The following FAM168B variants were observed in gnomAD, a reference collection of about 807,000 sequenced individuals.
FAM168B encodes the protein family with sequence similarity 168 member B.
Under a neutral mutation model 21.8 loss-of-function variants are expected in FAM168B, and 19 were observed. That is an observed-to-expected ratio of 0.87 (90% CI 0.61 to 1.28). The LOEUF (loss-of-function observed/expected upper bound fraction) is 1.28. Among genes scored for constraint, FAM168B ranks in the 50% most tolerant of loss-of-function variants. The pLI, the probability that FAM168B is intolerant of heterozygous loss-of-function variation, is 0.00. For missense variants in FAM168B, 233 were observed against 263.1 expected (o/e 0.89, Z 0.79); for synonymous variants, 126 against 104.8 (o/e 1.20, Z -1.24).
chr2:131,066,234 C>T (rs1159231859), intron 3 of FAM168B, among the ~76,000 whole-genome samples: 1 of 149,960 alleles, frequency 6.7e-6, no homozygotes, highest in Non-Finnish European at 1.5e-5. Flanking sequence ...GGTGCGATCT[C>T]GATCTCGACT....
At chr2:131,075,943 T>C (rs1032219131) in intron 2 of FAM168B, among the ~76,000 whole-genome samples, 2 of 152,176 alleles carry the variant, frequency 1.3e-5, no homozygotes, top group Non-Finnish European at 2.9e-5. Context: ...CTAGACAGCC[T>C]CTGCTGCTTC....
In FAM168B at chr2:131,055,193, G is replaced by T. The variant is rs139938505; in HGVS notation, c.475+79C>A. The T allele has an allele frequency of 6.7e-6, 9 of 1,333,712 alleles. No individual in the cohort carries two copies. In the African/African-American group the frequency reaches 1.1e-4, roughly 16 times the overall value. The allele number at this position is 1,333,712 out of a possible 1,614,324, so 82.6% of individuals were successfully genotyped here. On this transcript the variant is annotated intron_variant, in intron 5 of 6. Coordinates refer to ENST00000389915, the MANE Select transcript of FAM168B (RefSeq NM_001009993.4). ...CAGCTATGAAAACCTAGAGCCAAGGGTCAGAGGATTCGTGAGCTCTCCCCT... is the reference window on the plus strand; with the variant it reads ...CAGCTATGAAAACCTAGAGCCAAGGTTCAGAGGATTCGTGAGCTCTCCCCT...
rs1003054289 is a variant in FAM168B, at chr2:131,049,745, A to G, written c.*2720T>C. 2.0e-6 allele frequency: 2 copies of G among 985,714 alleles called. No individual in the cohort carries two copies. The highest frequency in any genetic ancestry group is 2.4e-6 in the Non-Finnish European group (2 of 829,948). The allele number at this position is 985,714 out of a possible 1,614,324, so 61.1% of individuals were successfully genotyped here. ...AAAAGAATAGTAATTCAGCTGAAGGACTCCCAAATTAGGAATGTCAAACAC... is the reference window on the plus strand; with the variant it reads ...AAAAGAATAGTAATTCAGCTGAAGGGCTCCCAAATTAGGAATGTCAAACAC... On this transcript the variant is annotated 3_prime_UTR_variant, in exon 7 of 7. Coordinates refer to ENST00000389915, the MANE Select transcript of FAM168B (RefSeq NM_001009993.4).
chr2:131,063,785 CTAATAA>C (rs1033683585), intron 3 of FAM168B, among the ~76,000 whole-genome samples: 1 of 151,932 alleles, frequency 6.6e-6, no homozygotes, highest in African/African-American at 2.4e-5. Context: ...TCTCTAAAAA[CTAATAA>C]TAATAATTTT....
At position 131,052,986 on chromosome 2, in the gene FAM168B, G is replaced by C. The variant is rs1340734176; in HGVS notation, c.505C>G (p.Pro169Ala). 1 of 1,556,152 alleles carries C rather than the reference G, an allele frequency of 6.4e-7. No individual in the cohort carries two copies. The highest frequency in any genetic ancestry group is 1.2e-5 in the South Asian group (1 of 84,350). ...GTLLTAHSPT[P>A]VAPHPVTVPT... ...ACAGTGACCGGGTGGGGGGCGACAG[G>C]AGTTGGGGAGTGAGCAGTCAGCAGG... The change falls in exon 6 of 7, where the codon CCT becomes GCT. Residue 169 changes from proline (P) to alanine (A), a missense_variant. Pro to Ala is a conservative substitution (Grantham distance 27). Coordinates refer to ENST00000389915, the MANE Select transcript of FAM168B (RefSeq NM_001009993.4).
intron 1 of FAM168B, among the ~76,000 whole-genome samples, chr2:131,086,848 G>A (rs1241367661): frequency 2.1e-5 from 2 of 95,370 alleles, no homozygotes; most frequent in Non-Finnish European, 3.8e-5. Flanking sequence ...GGCGGATCAC[G>A]AGGTCAGGAG....
In FAM168B at chr2:131,049,382, G is replaced by C; in HGVS notation, c.*3083C>G. ...ACTCAAGAAGGTTTCCCAGAATAGC[G>C]ACAGGTAGGCCTACAAACCACACCA... On this transcript the variant is annotated 3_prime_UTR_variant, in exon 7 of 7. Transcript: ENST00000389915. The C allele has an allele frequency of 1.0e-6, 1 of 985,436 alleles. No individual in the cohort carries two copies. The highest frequency in any genetic ancestry group is 1.2e-6 in the Non-Finnish European group (1 of 829,972). 61.0% of individuals were successfully genotyped at this position (985,436 alleles called of 1,614,324 possible).
rs1691648662 is a variant in FAM168B, at chr2:131,051,129, T to G, written c.*1336A>C. 4.1e-6 allele frequency: 4 copies of G among 985,418 alleles called. No individual in the cohort carries two copies. The highest frequency in any genetic ancestry group is 4.8e-6 in the Non-Finnish European group (4 of 829,962). The allele number at this position is 985,418 out of a possible 1,614,324, so 61.0% of individuals were successfully genotyped here. A position where few individuals can be genotyped will look rare whatever the true frequency, so the allele number is the denominator to read the frequency against. ...CTCTCTGCTGTCTGTGCTTGCTTTG[T>G]GCCAAGTGCCCTCAGCTGCAAAAGA... On this transcript the variant is annotated 3_prime_UTR_variant, in exon 7 of 7. Transcript: ENST00000389915.
Position 131,048,459 on chromosome 2 carries a change from T to G in FAM168B, c.*4006A>C. On this transcript the variant is annotated 3_prime_UTR_variant, in exon 7 of 7. Transcript: ENST00000389915. The stretch of plus-strand genomic sequence containing the variant: ...TCATCCTCTGTCTCCCCTTCCCAAG[T>G]GACTTCACTTCAGTCCTGTGGACCA... 6 of 1,189,310 alleles carry G rather than the reference T, an allele frequency of 5.0e-6. No homozygotes were observed. In the South Asian group the frequency reaches 8.3e-5, roughly 17 times the overall value. 73.7% of individuals were successfully genotyped at this position (1,189,310 alleles called of 1,614,324 possible).
chr2:131,050,927 C>G lies in FAM168B; in HGVS notation c.*1538G>C. On this transcript the variant is annotated 3_prime_UTR_variant, in exon 7 of 7. Coordinates refer to ENST00000389915, the MANE Select transcript of FAM168B (RefSeq NM_001009993.4). The stretch of plus-strand genomic sequence containing the variant: ...GACCCAGGCCTTACATCCCCCACCC[C>G]CACTCTGACCCTCACTGAGAACCGA... 1.0e-6 allele frequency: 1 copy of G among 985,688 alleles called. No individual in the cohort carries two copies. The highest frequency in any genetic ancestry group is 1.2e-6 in the Non-Finnish European group (1 of 830,130). The allele number at this position is 985,688 out of a possible 1,614,324, so 61.1% of individuals were successfully genotyped here.
intron 3 of FAM168B, among the ~76,000 whole-genome samples, chr2:131,069,978 C>T (rs540526146): frequency 6.6e-6 from 1 of 152,042 alleles, no homozygotes; most frequent in African/African-American, 2.4e-5. Context: ...CCTGCCTCAG[C>T]CTCCCTAGTA....
In FAM168B at chr2:131,082,489, C is replaced by T. The variant is rs181349958; in HGVS notation, c.70+88G>A. 1.8e-3 allele frequency: 1,553 copies of T among 872,744 alleles called. 8 individuals are homozygous for T. The highest frequency in any genetic ancestry group is 0.016 in the African/African-American group (918 of 57,896). The allele number at this position is 872,744 out of a possible 1,614,324, so 54.1% of individuals were successfully genotyped here. ...TTCTTGTCTAAGCCACTTTGAGCTG[C>T]GTTTGTCAATAGAAAGCATTCTTAG... is the stretch of plus-strand genomic sequence containing the variant. On this transcript the variant is annotated intron_variant, in intron 2 of 6. Coordinates refer to ENST00000389915, the MANE Select transcript of FAM168B (RefSeq NM_001009993.4).
At chr2:131,082,733 A>G (rs1693483220) in intron 1 of FAM168B, 76 bp from the exon 2 acceptor site, 2 of 840,048 alleles carry the variant, frequency 2.4e-6, no homozygotes, top group Non-Finnish European at 3.8e-6. Context: ...CCCAAAAAGC[A>G]GGTAGCTAGA....
Position 131,049,214 on chromosome 2 carries a change from C to A in FAM168B, c.*3251G>T. 1.0e-6 allele frequency: 1 copy of A among 985,418 alleles called. No individual in the cohort carries two copies. Among genetic ancestry groups the A allele is most frequent in the Non-Finnish European group, 1.2e-6 (1 of 829,954 alleles). 61.0% of individuals were successfully genotyped at this position (985,418 alleles called of 1,614,324 possible). A position where few individuals can be genotyped will look rare whatever the true frequency, so the allele number is the denominator to read the frequency against. On this transcript the variant is annotated 3_prime_UTR_variant, in exon 7 of 7. Coordinates refer to ENST00000389915, the MANE Select transcript of FAM168B (RefSeq NM_001009993.4). ...AGACACATGCAAATTATTTCCTAGA[C>A]CTCATTCATCACAGCCAGATGATGC...
In FAM168B at chr2:131,055,988, C is replaced by A. The variant is rs558319955; in HGVS notation, c.155-293G>T. ...GGACAGGAAATAAAAACTGTCTTGT[C>A]CTGCTGGAATTTAAATTGGTATGGC... is the stretch of plus-strand genomic sequence containing the variant. On this transcript the variant is annotated intron_variant, in intron 3 of 6. Coordinates refer to ENST00000389915, the MANE Select transcript of FAM168B (RefSeq NM_001009993.4). Among the ~76,000 whole-genome samples the A allele has an allele frequency of 9.0e-4, 137 of 152,270 alleles. 1 individual carries two copies. The highest frequency in any genetic ancestry group is 1.5e-3 in the Non-Finnish European group (104 of 68,024).
rs564477803 is a variant in FAM168B, at chr2:131,086,958, G to A, written c.-11-4301C>T. ...CGGGCGCCTGTAGTCCCAGCTACTCGGGAGGCTGAGGCAGGAGAATGGTGT... is the reference window on the plus strand; with the variant it reads ...CGGGCGCCTGTAGTCCCAGCTACTCAGGAGGCTGAGGCAGGAGAATGGTGT... On this transcript the variant is annotated intron_variant, in intron 1 of 6. Coordinates refer to ENST00000389915, the MANE Select transcript of FAM168B (RefSeq NM_001009993.4). Among the ~76,000 whole-genome samples, 15 of 128,100 alleles carry A rather than the reference G, an allele frequency of 1.2e-4. 2 individuals are homozygous for A. Among genetic ancestry groups the A allele is most frequent in the Non-Finnish European group, 1.2e-4 (8 of 64,880 alleles). 84.0% of individuals were successfully genotyped at this position (128,100 alleles called of 152,430 possible). A position where few individuals can be genotyped will look rare whatever the true frequency, so the allele number is the denominator to read the frequency against.
chr2:131,075,316 A>C (rs1195838352), intron 2 of FAM168B, among the ~76,000 whole-genome samples: 1 of 151,616 alleles, frequency 6.6e-6, no homozygotes, highest in African/African-American at 2.4e-5. Flanking sequence ...GACCTAGATC[A>C]TATCCTGTAG....
At chr2:131,066,670 G>C (rs1692577185) in intron 3 of FAM168B, among the ~76,000 whole-genome samples, 1 of 152,200 alleles carries the variant, frequency 6.6e-6, no homozygotes, top group Non-Finnish European at 1.5e-5. Context: ...ATCTATGCCT[G>C]ATCGTAGGCT....
chr2:131,053,414 T>G (rs2105454218), intron 5 of FAM168B, among the ~76,000 whole-genome samples: 1 of 152,254 alleles, frequency 6.6e-6, no homozygotes, highest in South Asian at 2.1e-4. Context: ...ACTTAATGAT[T>G]CCACTTAGAT....
Sources: gnomAD v4.1 joint callset for allele counts (sites outside exome capture counted in the v4.1 genomes callset) on GRCh38, gnomAD v4.1.1 for gene constraint, MANE v1.5 for transcripts, NCBI Gene and HGNC (gene_info 2026-07-23, HGNC 2026-07-21) for gene names.